Variants in SCAF11 observed in about 807,000 individuals in gnomAD.
The protein encoded by SCAF11 is protein SCAF11.
SCAF11 carries 47 observed loss-of-function variants against 140.5 expected under a neutral mutation model. That is an observed-to-expected ratio of 0.33 (90% CI 0.26 to 0.43). The LOEUF is 0.43. Ranked by LOEUF, SCAF11 falls within the 20% of genes least tolerant of loss-of-function variation. SCAF11 has a pLI of 1.00. For synonymous variants in SCAF11, 557 were observed against 579.4 expected, an observed-to-expected ratio of 0.96 and a Z score of 0.55; for missense variants, 1,645 against 1,705.1, an observed-to-expected ratio of 0.96 and a Z score of 0.62.
chr12:45,984,695 CTTT>C (rs539795330), intron 1 of SCAF11, among the ~76,000 whole-genome samples: 13 of 136,584 alleles, frequency 9.5e-5, no homozygotes, highest in African/African-American at 1.7e-4. Context: ...TTCGCACTTC[CTTT>C]TTTTTTTTTT....
chr12:45,942,834 C>T (rs550082594), intron 6 of SCAF11, among the ~76,000 whole-genome samples: 35 of 152,170 alleles, frequency 2.3e-4, no homozygotes, highest in South Asian at 1.2e-3. Context: ...CATTTATTAC[C>T]GCCTGTTTTA....
intron 4 of SCAF11, among the ~76,000 whole-genome samples, chr12:45,949,431 AAATAT>A (rs1484204438): frequency 1.3e-5 from 2 of 152,204 alleles, no homozygotes; most frequent in African/African-American, 2.4e-5. Context: ...ATTAAAAATA[AAATAT>A]ATCATTCAAT....
chr12:45,927,590 T>C lies in SCAF11; in HGVS notation c.2111A>G (p.Gln704Arg), dbSNP rs1382148842. ...STELPKTHIEQIQKHFSEDNN... is the reference protein window; with the variant it reads ...STELPKTHIERIQKHFSEDNN... ...GTCCTCACTAAAATGCTTCTGAATC[T>C]GTTCAATGTGTGTTTTAGGCAACTC... is the stretch of plus-strand genomic sequence containing the variant. The change falls in exon 11 of 15, where the codon CAG becomes CGG. Residue 704 changes from glutamine (Q) to arginine (R), a missense_variant. Transcript: ENST00000369367. 3 of 1,613,510 alleles carry C rather than the reference T, an allele frequency of 1.9e-6. No individual in the cohort carries two copies. Among genetic ancestry groups the C allele is most frequent in the Non-Finnish European group, 1.7e-6 (2 of 1,179,992 alleles).
chr12:45,919,930 T>C lies in SCAF11; in HGVS notation c.*2118A>G, dbSNP rs1944666541. On this transcript the variant is annotated 3_prime_UTR_variant, in exon 15 of 15. Transcript: ENST00000369367. Reference sequence around the variant, plus strand: ...ACTGAAAGAAAATGCAGGAAAAGTATGTATTGTGTGATTAATCAGCTTAGG... The same window carrying C: ...ACTGAAAGAAAATGCAGGAAAAGTACGTATTGTGTGATTAATCAGCTTAGG... 1 of 152,240 alleles carries C rather than the reference T, an allele frequency of 6.6e-6. No homozygotes were observed. Among genetic ancestry groups the C allele is most frequent in the African/African-American group, 2.4e-5 (1 of 41,468 alleles). 9.4% of individuals were successfully genotyped at this position (152,240 alleles called of 1,614,324 possible).
chr12:45,985,884 TCTTAC>T (rs1354533671), intron 1 of SCAF11, among the ~76,000 whole-genome samples: 4 of 152,144 alleles, frequency 2.6e-5, no homozygotes, highest in Non-Finnish European at 5.9e-5. Context: ...TTTTTTTAGT[TCTTAC>T]CTTATTAAGC....
At chr12:45,969,977 AC>A (rs1286514556) in intron 1 of SCAF11, among the ~76,000 whole-genome samples, 2 of 151,860 alleles carry the variant, frequency 1.3e-5, no homozygotes, top group Non-Finnish European at 2.9e-5. Context: ...GCTCACCGCA[AC>A]CTCCGCTTCC....
chr12:45,937,186 C>T (rs1945191234), intron 6 of SCAF11, among the ~76,000 whole-genome samples: 2 of 151,868 alleles, frequency 1.3e-5, no homozygotes, highest in Non-Finnish European at 2.9e-5. Context: ...TTTTATTATT[C>T]GATATTGAAT....
chr12:45,979,036 TCCAAGATGGCA>T (rs1946295157), intron 1 of SCAF11, among the ~76,000 whole-genome samples: 1 of 151,784 alleles, frequency 6.6e-6, no homozygotes, highest in African/African-American at 2.4e-5. Context: ...GGTCCCTGCT[TCCAAGATGGCA>T]CCTGTTACTG....
intron 10 of SCAF11, chr12:45,929,838 C>T (rs952680170): frequency 2.6e-5 from 4 of 152,148 alleles, no homozygotes; most frequent in African/African-American, 9.7e-5. Context: ...CACTTTACGT[C>T]CACTCTCTAG....
intron 12 of SCAF11, 81 bp from the exon 13 acceptor site, chr12:45,923,235 A>T (rs1394715794): frequency 7.9e-7 from 1 of 1,264,100 alleles, no homozygotes; most frequent in East Asian, 2.4e-5. Context: ...AAATAACATT[A>T]AAAAACACAA....
upstream of SCAF11, among the ~76,000 whole-genome samples, chr12:45,991,063 AAG>A (rs1431689476): frequency 6.6e-6 from 1 of 152,236 alleles, no homozygotes; most frequent in Non-Finnish European, 1.5e-5. Flanking sequence ...TGATATTGAA[AAG>A]AGTGTCCGCA....
At chr12:45,956,800 A>T (rs1286686621) in intron 3 of SCAF11, among the ~76,000 whole-genome samples, 1 of 152,232 alleles carries the variant, frequency 6.6e-6, no homozygotes, top group Non-Finnish European at 1.5e-5. Flanking sequence ...ACATATTCTG[A>T]CATTTAAAAC....
intron 3 of SCAF11, chr12:45,956,053 C>A (rs1945684000): frequency 7.1e-6 from 5 of 707,714 alleles, no homozygotes; most frequent in Non-Finnish European, 1.3e-5. Context: ...ATTATAAATT[C>A]TCAGCTCAGA....
At chr12:45,944,289 AC>A (rs1477926145) in intron 6 of SCAF11, among the ~76,000 whole-genome samples, 3 of 152,156 alleles carry the variant, frequency 2.0e-5, no homozygotes, top group Non-Finnish European at 2.9e-5. Context: ...CTTTTTAACC[AC>A]AGAAGTCCAG....
Position 45,920,679 on chromosome 12 carries a change from G to GT in SCAF11, c.*1368dup, listed in dbSNP as rs763702119. ...ACTCCATTATTTAAATTTCCCCTCT[G>GT]TTTCTAAAACACAGGTTTTACTGTC... On this transcript the variant is annotated 3_prime_UTR_variant, in exon 15 of 15. Coordinates refer to ENST00000369367, the MANE Select transcript of SCAF11 (RefSeq NM_004719.3). 1 of 151,548 alleles carries GT rather than the reference G, an allele frequency of 6.6e-6. No individual in the cohort carries two copies. The highest frequency in any genetic ancestry group is 1.5e-5 in the Non-Finnish European group (1 of 67,902). The allele number at this position is 151,548 out of a possible 1,614,324, so 9.4% of individuals were successfully genotyped here.
intron 1 of SCAF11, among the ~76,000 whole-genome samples, chr12:45,971,707 CTTT>C (rs201741705): frequency 6.6e-6 from 1 of 151,024 alleles, no homozygotes; most frequent in Non-Finnish European, 1.5e-5. Flanking sequence ...GAAACTGCTC[CTTT>C]TTTTTTGTTT....
chr12:45,964,328 G>A (rs1945892076), intron 1 of SCAF11, 140 bp from the exon 2 acceptor site: 11 of 563,722 alleles, frequency 2.0e-5, no homozygotes, highest in Non-Finnish European at 3.4e-5. Context: ...GGATAATCCA[G>A]TACTCTTTTA....
At chr12:45,944,591 G>T (rs17096346) in intron 6 of SCAF11, among the ~76,000 whole-genome samples, 1 of 152,148 alleles carries the variant, frequency 6.6e-6, no homozygotes, top group Non-Finnish European at 1.5e-5. Flanking sequence ...CTTACAAACA[G>T]ATCATAGTAA....
Position 45,951,657 on chromosome 12 carries a change from T to C in SCAF11, c.290A>G (p.Tyr97Cys). ...CAGAATAAAAAGACTTACCTTAACA[T>C]AACCTTCCAATGCACTGAATTTAAA... ...AVFKFSALEG[Y>C]VKVQVKKQLR... The change falls in exon 4 of 15, where the codon TAT becomes TGT. Residue 97 changes from tyrosine (Y) to cysteine (C), a missense_variant. Around this residue, in one of 2 missense-constraint regions of SCAF11, gnomAD observed 1,582 missense variants for 1,609.2 expected, o/e 0.98. Transcript: ENST00000369367. 3 of 1,580,154 alleles carry C rather than the reference T, an allele frequency of 1.9e-6. No individual in the cohort carries two copies. Among genetic ancestry groups the C allele is most frequent in the Non-Finnish European group, 2.6e-6 (3 of 1,159,836 alleles).
Sources: allele counts gnomAD v4.1 joint callset (sites outside exome capture counted in the v4.1 genomes callset), GRCh38; gene constraint gnomAD v4.1.1; regional missense constraint gnomAD v4.1.1; transcripts MANE v1.5; gene names NCBI Gene and HGNC (gene_info 2026-07-23, HGNC 2026-07-21).